The following ADAMTS19 variants were observed in gnomAD, a reference collection of about 807,000 sequenced individuals.
ADAMTS19 encodes the protein ADAM metallopeptidase with thrombospondin type 1 motif 19, also known as A disintegrin and metalloproteinase with thrombospondin motifs 19.
A neutral mutation model predicts 153.3 loss-of-function variants in ADAMTS19; 93 were observed. The ratio of observed to expected loss-of-function variants is 0.61; its 90% CI spans 0.51 to 0.72. The LOEUF (loss-of-function observed/expected upper bound fraction) is 0.72, where lower values mean the gene tolerates loss of function less well. Ranked by LOEUF, ADAMTS19 falls within the 30% of genes least tolerant of loss-of-function variation. The pLI is 0.00. For synonymous variants in ADAMTS19, 600 were observed against 556.6 expected, an observed-to-expected ratio of 1.08 and a Z score of -1.10; for missense variants, 1,482 against 1,552.1, an observed-to-expected ratio of 0.95 and a Z score of 0.76.
intron 7 of ADAMTS19, among the ~76,000 whole-genome samples, chr5:129,569,773 A>G (rs1025816813): frequency 6.6e-6 from 1 of 152,054 alleles, no homozygotes; most frequent in African/African-American, 2.4e-5. Flanking sequence ...GAACTGAACA[A>G]ACATGAAAAG....
chr5:129,505,101 A>G (rs942696099), intron 2 of ADAMTS19, among the ~76,000 whole-genome samples: 1 of 152,174 alleles, frequency 6.6e-6, no homozygotes, highest in Non-Finnish European at 1.5e-5. Context: ...GACTGTTACA[A>G]TATTAAGTAC....
At chr5:129,543,327 C>T (rs770481004) in intron 6 of ADAMTS19, among the ~76,000 whole-genome samples, 38 of 152,114 alleles carry the variant, frequency 2.5e-4, no homozygotes, top group Non-Finnish European at 5.0e-4. Flanking sequence ...GCTGGAATTA[C>T]AGGCGTGAGC....
chr5:129,588,627 A>C (rs1181431303), intron 7 of ADAMTS19, among the ~76,000 whole-genome samples: 3 of 151,768 alleles, frequency 2.0e-5, no homozygotes, highest in African/African-American at 7.2e-5. Context: ...AATACTATCA[A>C]ATACTTCTTA....
chr5:129,522,090 A>G (rs1227794791), intron 3 of ADAMTS19, among the ~76,000 whole-genome samples: 2 of 151,682 alleles, frequency 1.3e-5, no homozygotes, highest in Admixed American at 1.3e-4. Flanking sequence ...GTGAGAAGCT[A>G]TCACTTGTCA....
At chr5:129,645,360 CAT>C (rs1218473663) in intron 11 of ADAMTS19, among the ~76,000 whole-genome samples, 1 of 152,086 alleles carries the variant, frequency 6.6e-6, no homozygotes, top group Non-Finnish European at 1.5e-5. Flanking sequence ...TCTTATATAA[CAT>C]ATTGTATAAT....
At chr5:129,526,202 G>A (rs938813124) in intron 3 of ADAMTS19, 82 bp from the exon 4 acceptor site, 2 of 1,221,854 alleles carry the variant, frequency 1.6e-6, no homozygotes, top group Non-Finnish European at 2.2e-6. Context: ...ACTTATTTGG[G>A]TTTGCTCATT....
chr5:129,471,304 T>A (rs1346508464), intron 2 of ADAMTS19, among the ~76,000 whole-genome samples: 7 of 151,980 alleles, frequency 4.6e-5, no homozygotes, highest in Non-Finnish European at 1.0e-4. Flanking sequence ...AGTTAGAGGC[T>A]GCAGTGAGCT....
chr5:129,570,630 A>C (rs1025969713), intron 7 of ADAMTS19, among the ~76,000 whole-genome samples: 2 of 60,402 alleles, frequency 3.3e-5, no homozygotes, highest in African/African-American at 6.9e-5. Flanking sequence ...CAGGAAAAAA[A>C]TTAAAAGAAA....
intron 7 of ADAMTS19, among the ~76,000 whole-genome samples, chr5:129,591,821 G>C (rs905298244): frequency 2.0e-5 from 3 of 152,006 alleles, no homozygotes; most frequent in African/African-American, 7.2e-5. Context: ...AGCACTTCTG[G>C]AGCCCAGAGA....
At chr5:129,682,379 T>C (rs1377873010) in intron 17 of ADAMTS19, among the ~76,000 whole-genome samples, 2 of 152,230 alleles carry the variant, frequency 1.3e-5, no homozygotes, top group African/African-American at 4.8e-5. Context: ...CTTTCCTTTT[T>C]GCAAAGAATA....
chr5:129,602,266 A>G (rs1750688563), intron 8 of ADAMTS19, among the ~76,000 whole-genome samples: 1 of 151,934 alleles, frequency 6.6e-6, no homozygotes, highest in Non-Finnish European at 1.5e-5. Flanking sequence ...CTAATTTTGT[A>G]TTTTTAGTAA....
At chr5:129,525,328 T>G (rs1196235609) in intron 3 of ADAMTS19, among the ~76,000 whole-genome samples, 1 of 152,142 alleles carries the variant, frequency 6.6e-6, no homozygotes, top group Non-Finnish European at 1.5e-5. Context: ...GTAAGTGTCT[T>G]TAATTTTAAC....
Position 129,734,021 on chromosome 5 carries a change from A to G in ADAMTS19, c.3313-911A>G, listed in dbSNP as rs1030214299. 5.3e-5 allele frequency among the ~76,000 whole-genome samples: 8 copies of G among 151,808 alleles called. 1 individual carries two copies. The highest frequency in any genetic ancestry group is 5.3e-4 in the Admixed American group (8 of 15,194). Reference sequence around the variant, plus strand: ...TATGCAGCCAAAAAAGAATGAAATTATGTATTTCACAGCAACATGAATGGA... The same window carrying G: ...TATGCAGCCAAAAAAGAATGAAATTGTGTATTTCACAGCAACATGAATGGA... On this transcript the variant is annotated intron_variant, in intron 21 of 22. Transcript: ENST00000274487.
At position 129,591,168 on chromosome 5, in the gene ADAMTS19, T is replaced by A. The variant is rs561687519; in HGVS notation, c.1373-5391T>A. 2.6e-5 allele frequency among the ~76,000 whole-genome samples: 4 copies of A among 152,306 alleles called. No individual in the cohort carries two copies. The South Asian group carries it at 8.3e-4, about 32-fold the overall frequency. The stretch of plus-strand genomic sequence containing the variant: ...CAATGGTATCACCAAGTTGTTGCCC[T>A]CTCTCAAAGCCTTTCCTGCTTACAT... On this transcript the variant is annotated intron_variant, in intron 7 of 22. Coordinates refer to ENST00000274487, the MANE Select transcript of ADAMTS19 (RefSeq NM_133638.6).
At chr5:129,700,567 A>T (rs1004050486) in intron 19 of ADAMTS19, among the ~76,000 whole-genome samples, 1 of 152,132 alleles carries the variant, frequency 6.6e-6, no homozygotes, top group Non-Finnish European at 1.5e-5. Flanking sequence ...TGGTGCCACA[A>T]TTTTGTGACC....
intron 8 of ADAMTS19, among the ~76,000 whole-genome samples, chr5:129,607,684 T>C (rs1314907084): frequency 6.6e-6 from 1 of 152,192 alleles, no homozygotes; most frequent in African/African-American, 2.4e-5. Context: ...AATACAATAC[T>C]TCAATTATAT....
At position 129,509,169 on chromosome 5, in the gene ADAMTS19, G is replaced by A. The variant is rs749564593; in HGVS notation, c.840G>A (p.Arg280=). 1.9e-6 allele frequency: 3 copies of A among 1,612,108 alleles called. No homozygotes were observed. The highest frequency in any genetic ancestry group is 4.5e-5 in the East Asian group (2 of 44,790). The change falls in exon 3 of 23, where the codon AGG becomes AGA. Residue 280 remains arginine (R), a synonymous_variant. Coordinates refer to ENST00000274487, the MANE Select transcript of ADAMTS19 (RefSeq NM_133638.6). Reference sequence around the variant, plus strand: ...CAGGTCACCCACACCGTGTATATAGGCAGAAAAGGTCCATGGAGGAAAAGG... The same window carrying A: ...CAGGTCACCCACACCGTGTATATAGACAGAAAAGGTCCATGGAGGAAAAGG... ...AITGHPHRVY[R]QKRSMEEKVT...
At chr5:129,510,686 A>G (rs79859712) in intron 3 of ADAMTS19, among the ~76,000 whole-genome samples, 1 of 151,796 alleles carries the variant, frequency 6.6e-6, no homozygotes, top group Non-Finnish European at 1.5e-5. Flanking sequence ...CTTTTGAATA[A>G]TTGTTAAGTT....
intron 22 of ADAMTS19, among the ~76,000 whole-genome samples, chr5:129,735,977 G>A (rs7718130): frequency 0.069 from 10,428 of 152,048 alleles, 1,175 homozygotes; most frequent in African/African-American, 0.24. Context: ...AAATTATCAT[G>A]TGTATTTTTC....
Sources: allele counts gnomAD v4.1 joint callset (sites outside exome capture counted in the v4.1 genomes callset), GRCh38; gene constraint gnomAD v4.1.1; transcripts MANE v1.5; gene names NCBI Gene and HGNC (gene_info 2026-07-23, HGNC 2026-07-21).